Variants in SLC35D4 observed in about 807,000 individuals in gnomAD.
The protein encoded by SLC35D4 is UDP-N-acetylglucosamine transporter SLC35D4.
the SLC35D4 span, among the ~76,000 whole-genome samples, chr18:23,382,627 A>G: frequency 6.6e-6 from 1 of 152,256 alleles, no homozygotes; most frequent in Non-Finnish European, 1.5e-5. Flanking sequence ...TAGATATTCA[A>G]TTAAAATGTG....
At chr18:23,322,800 C>T in the SLC35D4 span, among the ~76,000 whole-genome samples, 16 of 152,276 alleles carry the variant, frequency 1.1e-4, no homozygotes, top group East Asian at 3.1e-3. Flanking sequence ...TTAGAACACC[C>T]AATTGTAGAA....
the SLC35D4 span, among the ~76,000 whole-genome samples, chr18:23,251,745 C>A: frequency 6.6e-6 from 1 of 152,140 alleles, no homozygotes; most frequent in Admixed American, 6.5e-5. Flanking sequence ...TGTTGTTCAA[C>A]CTTAAAGGAA....
chr18:23,250,264 C>T, the SLC35D4 span, among the ~76,000 whole-genome samples: 1 of 152,212 alleles, frequency 6.6e-6, no homozygotes. Flanking sequence ...CTGCTCACAT[C>T]ATTGCAAACC....
At chr18:23,417,612 C>T in the SLC35D4 span, among the ~76,000 whole-genome samples, 1 of 151,910 alleles carries the variant, frequency 6.6e-6, no homozygotes, top group Non-Finnish European at 1.5e-5. Context: ...GATGATTGTA[C>T]AATATTGTGA....
the SLC35D4 span, among the ~76,000 whole-genome samples, chr18:23,344,151 G>T: frequency 6.6e-6 from 1 of 152,072 alleles, no homozygotes. Context: ...CAAGGTGTTG[G>T]GATTACAGGT....
chr18:23,287,766 C>T, the SLC35D4 span, among the ~76,000 whole-genome samples: 2 of 152,362 alleles, frequency 1.3e-5, no homozygotes, highest in Non-Finnish European at 2.9e-5. Context: ...CCTGACTCAT[C>T]GCAACCCTTT....
the SLC35D4 span, among the ~76,000 whole-genome samples, chr18:23,338,644 C>T: frequency 1.3e-5 from 2 of 152,122 alleles, no homozygotes; most frequent in Admixed American, 6.5e-5. Flanking sequence ...TTCCACCCCC[C>T]AGCCATTTTC....
the SLC35D4 span, among the ~76,000 whole-genome samples, chr18:23,343,025 T>C: frequency 1.3e-5 from 2 of 151,726 alleles, no homozygotes; most frequent in African/African-American, 4.8e-5. Flanking sequence ...TGGGTTCAAG[T>C]GATTTTCCTG....
At chr18:23,430,569 A>C in the SLC35D4 span, 4 of 1,396,566 alleles carry the variant, frequency 2.9e-6, no homozygotes, top group Non-Finnish European at 4.0e-6. Context: ...AAACTATTTC[A>C]AAGAATGATG....
the SLC35D4 span, among the ~76,000 whole-genome samples, chr18:23,411,666 C>A: frequency 2.0e-5 from 3 of 152,098 alleles, no homozygotes; most frequent in Non-Finnish European, 4.4e-5. Flanking sequence ...AATAGATGAT[C>A]TTTCTTAACT....
At chr18:23,352,075 C>T in the SLC35D4 span, 1 of 727,056 alleles carries the variant, frequency 1.4e-6, no homozygotes, top group Non-Finnish European at 2.2e-6. Flanking sequence ...AAGGATCAGG[C>T]TCAGGGACAG....
the SLC35D4 span, among the ~76,000 whole-genome samples, chr18:23,241,037 C>A: frequency 1.3e-5 from 2 of 152,214 alleles, no homozygotes; most frequent in African/African-American, 4.8e-5. Context: ...CCTCCCCATC[C>A]CATTCTTCCC....
At chr18:23,429,175 T>C in the SLC35D4 span, among the ~76,000 whole-genome samples, 1 of 152,220 alleles carries the variant, frequency 6.6e-6, no homozygotes, top group Admixed American at 6.5e-5. Context: ...GGTATATTTT[T>C]GGTAGAAGAA....
At chr18:23,333,054 C>G in the SLC35D4 span, among the ~76,000 whole-genome samples, 1 of 151,350 alleles carries the variant, frequency 6.6e-6, no homozygotes, top group Non-Finnish European at 1.5e-5. Context: ...CATCTTTGCA[C>G]AAAGCAATAT....
At chr18:23,371,927 T>TTTTTTTTG in the SLC35D4 span, among the ~76,000 whole-genome samples, 26 of 16,754 alleles carry the variant, frequency 1.6e-3, 1 homozygote, top group African/African-American at 4.9e-3. Flanking sequence ...TTCTTCCTTG[T>TTTTTTTTG]TTTTTTTGTT....
the SLC35D4 span, among the ~76,000 whole-genome samples, chr18:23,396,223 C>T: frequency 2.0e-5 from 3 of 152,174 alleles, no homozygotes; most frequent in Non-Finnish European, 2.9e-5. Context: ...ACTTCAAGGT[C>T]TTGTCAGATA....
the SLC35D4 span, among the ~76,000 whole-genome samples, chr18:23,272,409 C>T: frequency 6.6e-6 from 1 of 152,096 alleles, no homozygotes; most frequent in South Asian, 2.1e-4. Context: ...CATGCCACTG[C>T]ACTCCAGCCT....
chr18:23,359,005 C>G, the SLC35D4 span, among the ~76,000 whole-genome samples: 1 of 152,176 alleles, frequency 6.6e-6, no homozygotes, highest in East Asian at 1.9e-4. Context: ...CACATGCAAA[C>G]TCGATCCAGG....
the SLC35D4 span, among the ~76,000 whole-genome samples, chr18:23,248,512 CTT>C: frequency 9.4e-4 from 85 of 90,708 alleles, no homozygotes; most frequent in Admixed American, 2.0e-3. Flanking sequence ...GACCCTATGT[CTT>C]TTTTTTTTTT....
Sources: allele counts gnomAD v4.1 joint callset (sites outside exome capture counted in the v4.1 genomes callset), GRCh38; gene constraint gnomAD v4.1.1; transcripts MANE v1.5; gene names NCBI Gene and HGNC (gene_info 2026-07-23, HGNC 2026-07-21).